RALY: variants seen among roughly 807,000 people sequenced by gnomAD.
The protein encoded by RALY is RNA-binding protein Raly.
In RALY, 15 loss-of-function variants were observed where a neutral mutation model predicts 30.7. That is an observed-to-expected ratio of 0.49 (90% CI 0.33 to 0.75). The LOEUF (loss-of-function observed/expected upper bound fraction) is 0.75, where lower values mean the gene tolerates loss of function less well. RALY is among the 30% of genes least tolerant of loss of function. The pLI, the probability that RALY is intolerant of heterozygous loss-of-function variation, is 0.02. For missense variants in RALY, 339 were observed against 414.3 expected (o/e 0.82, Z 1.58); for synonymous variants, 177 against 170.8 (o/e 1.04, Z -0.28).
intron 1 of RALY, among the ~76,000 whole-genome samples, chr20:34,022,228 C>G (rs935542653): frequency 1.3e-5 from 2 of 151,964 alleles, no homozygotes; most frequent in East Asian, 3.9e-4. Context: ...CATGCACAGC[C>G]TGGACAAAGC....
intron 5 of RALY, among the ~76,000 whole-genome samples, chr20:34,074,654 C>T (rs1453709312): frequency 2.0e-5 from 3 of 152,164 alleles, no homozygotes; most frequent in African/African-American, 7.2e-5. Context: ...AGCTCTGCCA[C>T]TGAATGGATT....
chr20:34,037,721 T>C (rs757991137), intron 2 of RALY, among the ~76,000 whole-genome samples: 1 of 152,236 alleles, frequency 6.6e-6, no homozygotes, highest in Admixed American at 6.5e-5. Flanking sequence ...TACAAGACTA[T>C]TAATGTTAGT....
chr20:34,058,478 GA>G (rs2033320562), intron 2 of RALY, among the ~76,000 whole-genome samples: 1 of 141,186 alleles, frequency 7.1e-6, no homozygotes, highest in East Asian at 2.1e-4. Flanking sequence ...CGGTTCACCT[GA>G]ACCATACAAT....
chr20:34,028,115 G>A (rs1280630695), intron 1 of RALY, among the ~76,000 whole-genome samples: 3 of 151,956 alleles, frequency 2.0e-5, no homozygotes, highest in South Asian at 2.1e-4. Flanking sequence ...GTGAAACTCC[G>A]TCTCCACTAA....
chr20:34,019,225 C>CT (rs1412064503), intron 1 of RALY, among the ~76,000 whole-genome samples: 2 of 151,942 alleles, frequency 1.3e-5, no homozygotes, highest in Admixed American at 6.6e-5. Context: ...ACTCGGGAGA[C>CT]TAAGGCAGGA....
chr20:34,068,886 G>A (rs2033650335), intron 2 of RALY, among the ~76,000 whole-genome samples: 1 of 152,206 alleles, frequency 6.6e-6, no homozygotes, highest in Admixed American at 6.5e-5. Flanking sequence ...GGCTGAGGGA[G>A]TCCACACAAC....
At chr20:34,052,032 A>C (rs1048755385) in intron 2 of RALY, among the ~76,000 whole-genome samples, 1 of 152,218 alleles carries the variant, frequency 6.6e-6, no homozygotes, top group Non-Finnish European at 1.5e-5. Context: ...GGCACTGGCT[A>C]AGTACTCCTG....
At chr20:34,049,434 C>T (rs1185710481) in intron 2 of RALY, among the ~76,000 whole-genome samples, 1 of 152,148 alleles carries the variant, frequency 6.6e-6, no homozygotes, top group Admixed American at 6.5e-5. Context: ...CCTCAGAGAT[C>T]TGTCAGTTTA....
intron 5 of RALY, among the ~76,000 whole-genome samples, chr20:34,074,871 G>C (rs1314761426): frequency 1.3e-5 from 2 of 152,136 alleles, no homozygotes; most frequent in African/African-American, 4.8e-5. Flanking sequence ...CCACCTCCAG[G>C]AAGGGGCTCC....
At chr20:34,074,638 A>C (rs1187114333) in intron 5 of RALY, among the ~76,000 whole-genome samples, 2 of 152,072 alleles carry the variant, frequency 1.3e-5, no homozygotes, top group African/African-American at 2.4e-5. Context: ...TTTAGATGCT[A>C]ATCTCAGCTC....
chr20:34,050,575 C>A (rs1355326416), intron 2 of RALY, among the ~76,000 whole-genome samples: 1 of 152,224 alleles, frequency 6.6e-6, no homozygotes, highest in Non-Finnish European at 1.5e-5. Context: ...CTGCACCCAA[C>A]TACTTCTGTG....
chr20:34,030,296 T>A (rs984049691), intron 1 of RALY, among the ~76,000 whole-genome samples: 1 of 152,234 alleles, frequency 6.6e-6, no homozygotes, highest in Admixed American at 6.5e-5. Context: ...CCTCAATTTC[T>A]CCATTAGTAA....
chr20:34,020,800 C>G (rs2031790305), intron 1 of RALY, among the ~76,000 whole-genome samples: 1 of 152,178 alleles, frequency 6.6e-6, no homozygotes, highest in Admixed American at 6.5e-5. Context: ...GGTAGTTATG[C>G]AAGTTCTGTA....
At chr20:34,004,950 A>G (rs1283611810) in intron 1 of RALY, among the ~76,000 whole-genome samples, 2 of 152,208 alleles carry the variant, frequency 1.3e-5, no homozygotes, top group Admixed American at 1.3e-4. Context: ...GTTGGCATGA[A>G]CATTGATCAT....
intron 2 of RALY, among the ~76,000 whole-genome samples, chr20:34,066,231 G>A (rs1332764559): frequency 4.3e-5 from 6 of 140,024 alleles, no homozygotes; most frequent in Non-Finnish European, 7.5e-5. Flanking sequence ...GCTTATGCCT[G>A]TAATCCCAGC....
intron 2 of RALY, among the ~76,000 whole-genome samples, chr20:34,061,409 G>T (rs1296973284): frequency 6.6e-5 from 10 of 152,224 alleles, no homozygotes; most frequent in African/African-American, 2.4e-4. Flanking sequence ...GACTTGGAAA[G>T]AAATGAAGTA....
At chr20:34,064,164 A>G in intron 2 of RALY, among the ~76,000 whole-genome samples, 1 of 152,102 alleles carries the variant, frequency 6.6e-6, no homozygotes, top group East Asian at 1.9e-4. Flanking sequence ...CTTCAATTCT[A>G]ACTCAGTATC....
At chr20:34,013,605 C>T (rs2031496801) in intron 1 of RALY, among the ~76,000 whole-genome samples, 1 of 152,090 alleles carries the variant, frequency 6.6e-6, no homozygotes, top group African/African-American at 2.4e-5. Context: ...AATGCCACTT[C>T]CTCAGGGAAG....
intron 2 of RALY, among the ~76,000 whole-genome samples, chr20:34,037,725 T>C (rs1359463119): frequency 6.6e-6 from 1 of 152,232 alleles, no homozygotes; most frequent in Non-Finnish European, 1.5e-5. Flanking sequence ...AGACTATTAA[T>C]GTTAGTAATT....
Sources: gnomAD v4.1 joint callset for allele counts (sites outside exome capture counted in the v4.1 genomes callset) on GRCh38, gnomAD v4.1.1 for gene constraint, MANE v1.5 for transcripts, NCBI Gene and HGNC (gene_info 2026-07-23, HGNC 2026-07-21) for gene names.